Variants in GNS observed in about 807,000 individuals in gnomAD.
The protein encoded by GNS is N-acetylglucosamine-6-sulfatase.
A neutral mutation model predicts 69.7 loss-of-function variants in GNS; 40 were observed. The observed-to-expected ratio is 0.57, with a 90% CI of 0.45 to 0.75. The LOEUF is 0.75. GNS is among the 30% of genes least tolerant of loss of function. The pLI is 0.00. For synonymous variants in GNS, 243 were observed against 251.6 expected (o/e 0.97, Z 0.32); for missense variants, 565 against 685.5 (o/e 0.82, Z 1.96).
intron 1 of GNS, chr12:64,753,023 C>A: frequency 2.0e-6 from 1 of 501,672 alleles, no homozygotes; most frequent in Non-Finnish European, 3.6e-6. Flanking sequence ...CCTTATTAGT[C>A]ATCAGCGCCC....
rs116960968 is a variant in GNS, at chr12:64,734,570, C to T, written c.1098+2434G>A. 3.0e-3 allele frequency among the ~76,000 whole-genome samples: 459 copies of T among 152,288 alleles called. 1 individual carries two copies. The highest frequency in any genetic ancestry group is 5.1e-3 in the Non-Finnish European group (345 of 68,020). ...AAGCCAGGAGGTGACAGAGAAGGTCCGCTTAGGAAGTACAAGGAGTTCAGT... is the reference window on the plus strand; with the variant it reads ...AAGCCAGGAGGTGACAGAGAAGGTCTGCTTAGGAAGTACAAGGAGTTCAGT... On this transcript the variant is annotated intron_variant, in intron 9 of 13. Coordinates refer to ENST00000258145, the MANE Select transcript of GNS (RefSeq NM_002076.4).
chr12:64,720,718 AATT>A lies in GNS; in HGVS notation c.1420-539_1420-537del, dbSNP rs2136236873. ...ATATATTGGGGAAGGACACAATACTAATTATTATTTCTAAAATAAGACAGGTCT... is the reference window on the plus strand; with the variant it reads ...ATATATTGGGGAAGGACACAATACTAATTATTTCTAAAATAAGACAGGTCT... On this transcript the variant is annotated intron_variant, in intron 12 of 13. Transcript: ENST00000258145. Among the ~76,000 whole-genome samples, 2 of 152,364 alleles carry A rather than the reference AATT, an allele frequency of 1.3e-5. 1 individual carries two copies. Among genetic ancestry groups the A allele is most frequent in the South Asian group, 4.1e-4 (2 of 4,828 alleles).
At chr12:64,751,951 C>CAAA (rs570528616) in intron 2 of GNS, among the ~76,000 whole-genome samples, 4 of 64,760 alleles carry the variant, frequency 6.2e-5, no homozygotes, top group African/African-American at 6.3e-5. Context: ...TTGCGCCACT[C>CAAA]AAAAAAAAAA....
chr12:64,745,180 A>C (rs904166484), intron 4 of GNS, among the ~76,000 whole-genome samples: 4 of 151,012 alleles, frequency 2.6e-5, no homozygotes, highest in African/African-American at 9.7e-5. Flanking sequence ...CATCCCAGAA[A>C]GGAGTGACTC....
At chr12:64,758,999 G>T (rs1186506130) in intron 1 of GNS, 86 bp downstream of exon 1, 2 of 1,124,402 alleles carry the variant, frequency 1.8e-6, no homozygotes, top group Non-Finnish European at 2.6e-6. Context: ...GTTCGGGGAG[G>T]AGGGTGGTGG....
chr12:64,747,763 G>A lies in GNS; in HGVS notation c.408C>T (p.Leu136=). 1.2e-6 allele frequency: 2 copies of A among 1,612,560 alleles called. No homozygotes were observed. Among genetic ancestry groups the A allele is most frequent in the Non-Finnish European group, 1.7e-6 (2 of 1,178,614 alleles). Reference sequence around the variant, plus strand: ...AGGTCTGATAACCACACATTGATCTGAGAATTGCTGGGAAAGTATTTGGTT... The same window carrying A: ...AGGTCTGATAACCACACATTGATCTAAGAATTGCTGGGAAAGTATTTGGTT... ...IQEPNTFPAI[L]RSMCGYQTFF... Residue 136 remains leucine, a synonymous_variant, in exon 3 of 14, where the codon CTC becomes CTT. Transcript: ENST00000258145.
chr12:64,753,444 T>C (rs1870144323), intron 1 of GNS, among the ~76,000 whole-genome samples: 1 of 152,240 alleles, frequency 6.6e-6, no homozygotes, highest in African/African-American at 2.4e-5. Context: ...GACAAAAGTA[T>C]GAAGACAGTC....
chr12:64,754,370 G>A (rs1320684755), intron 1 of GNS, among the ~76,000 whole-genome samples: 1 of 152,182 alleles, frequency 6.6e-6, no homozygotes, highest in Non-Finnish European at 1.5e-5. Flanking sequence ...GGTAACTTCA[G>A]TACGGAGAGC....
intron 9 of GNS, among the ~76,000 whole-genome samples, chr12:64,735,572 A>G (rs1246125689): frequency 6.6e-6 from 1 of 152,226 alleles, no homozygotes; most frequent in African/African-American, 2.4e-5. Context: ...CTTAAAGAAA[A>G]AAAGGAACAG....
intron 6 of GNS, among the ~76,000 whole-genome samples, chr12:64,742,057 G>A (rs530708959): frequency 1.3e-5 from 2 of 152,108 alleles, no homozygotes; most frequent in Admixed American, 1.3e-4. Flanking sequence ...ATCTTGCACT[G>A]TTTCCCAGGC....
At position 64,747,599 on chromosome 12, in the gene GNS, AAAC is replaced by A; in HGVS notation, c.459+110_459+112del. ...CTTGTTTAATGGGCAGATTCACAGAAAACAACGTATACCAAGAAATCCTTTAAC... is the reference window on the plus strand; with the variant it reads ...CTTGTTTAATGGGCAGATTCACAGAAAACGTATACCAAGAAATCCTTTAAC... On this transcript the variant is annotated intron_variant, in intron 3 of 13. Transcript: ENST00000258145. 1.5e-5 allele frequency: 11 copies of A among 719,530 alleles called. No homozygotes were observed. The South Asian group carries it at 1.8e-4, about 12-fold the overall frequency. 44.6% of individuals were successfully genotyped at this position (719,530 alleles called of 1,614,324 possible). A position where few individuals can be genotyped will look rare whatever the true frequency, so the allele number is the denominator to read the frequency against.
intron 6 of GNS, 56 bp downstream of exon 6, chr12:64,743,085 T>C (rs1286600133): frequency 3.8e-6 from 5 of 1,315,076 alleles, no homozygotes; most frequent in Non-Finnish European, 5.5e-6. Context: ...CTGACAAGTA[T>C]ACCATATAGT....
At position 64,716,545 on chromosome 12, in the gene GNS, A is replaced by G. The variant is rs902547164; in HGVS notation, c.*196T>C. ...AAGAGACCAGAGACAGCCACTCCTG[A>G]CACATGGGCAGAGTTCACAGTTTAA... On this transcript the variant is annotated 3_prime_UTR_variant, in exon 14 of 14. Transcript: ENST00000258145. The G allele has an allele frequency of 3.1e-6, 2 of 637,394 alleles. No individual in the cohort carries two copies. The highest frequency in any genetic ancestry group is 3.6e-5 in the African/African-American group (2 of 55,576). The allele number at this position is 637,394 out of a possible 1,614,324, so 39.5% of individuals were successfully genotyped here. A position where few individuals can be genotyped will look rare whatever the true frequency, so the allele number is the denominator to read the frequency against.
rs138335335 is a variant in GNS at position 64,729,003 on chromosome 12, C to A, written c.1153G>T (p.Asp385Tyr). The A allele has an allele frequency of 6.2e-7, 1 of 1,604,770 alleles. No homozygotes were observed. The highest frequency in any genetic ancestry group is 8.5e-7 in the Non-Finnish European group (1 of 1,171,650). ...CCATCCATCTGTGTCTTATTTAGGT[C>A]GTAGCCAGCAATGTCCAAAATAGTA... ...GPTILDIAGY[D>Y]LNKTQMDGMS... The change falls in exon 10 of 14, where the codon GAC (aspartate) becomes TAC (tyrosine). Residue 385 changes from aspartate to tyrosine, a missense_variant. Asp to Tyr is a radical substitution (Grantham distance 160). This residue lies in a region of GNS where 384 missense variants were observed against 511.0 expected (regional missense o/e 0.75). Coordinates refer to ENST00000258145, the MANE Select transcript of GNS (RefSeq NM_002076.4).
At chr12:64,743,413 T>C in intron 5 of GNS, 105 bp from the exon 6 acceptor site, 1 of 791,046 alleles carries the variant, frequency 1.3e-6, no homozygotes, top group South Asian at 1.4e-5. Context: ...TACTAGCTTT[T>C]AAGCAATCTT....
chr12:64,732,547 G>A (rs1869436410), intron 9 of GNS, among the ~76,000 whole-genome samples: 1 of 150,076 alleles, frequency 6.7e-6, no homozygotes, highest in South Asian at 2.1e-4. Context: ...TGCAAGCTCC[G>A]CCTCCTGGGT....
At position 64,752,955 on chromosome 12, in the gene GNS, G is replaced by T; in HGVS notation, c.193-198C>A. The T allele has an allele frequency of 8.5e-6, 5 of 591,680 alleles. No homozygotes were observed. In the East Asian group the frequency reaches 1.4e-4, roughly 17 times the overall value. 36.7% of individuals were successfully genotyped at this position (591,680 alleles called of 1,614,324 possible). A position where few individuals can be genotyped will look rare whatever the true frequency, so the allele number is the denominator to read the frequency against. On this transcript the variant is annotated intron_variant, in intron 1 of 13. Coordinates refer to ENST00000258145, the MANE Select transcript of GNS (RefSeq NM_002076.4). Reference sequence around the variant, plus strand: ...AGCTCCATCCTGTATAAAAGTGCAGGAAGTCAAAATGCTTGCAGGAAGGGA... The same window carrying T: ...AGCTCCATCCTGTATAAAAGTGCAGTAAGTCAAAATGCTTGCAGGAAGGGA...
chr12:64,752,579 G>T, intron 2 of GNS, 119 bp downstream of exon 2: 2 of 679,034 alleles, frequency 2.9e-6, no homozygotes, highest in Non-Finnish European at 5.4e-6. Flanking sequence ...CCTTCCTTCA[G>T]ATCAGGCATT....
chr12:64,747,976 C>A, intron 2 of GNS, 58 bp from the exon 3 acceptor site: 1 of 919,092 alleles, frequency 1.1e-6, no homozygotes, highest in South Asian at 1.3e-5. Context: ...GACTTCTCAT[C>A]ATTGTTAAAG....
Sources: gnomAD v4.1 joint callset for allele counts (sites outside exome capture counted in the v4.1 genomes callset) on GRCh38, gnomAD v4.1.1 for gene constraint, gnomAD v4.1.1 regional missense constraint, MANE v1.5 for transcripts, NCBI Gene and HGNC (gene_info 2026-07-23, HGNC 2026-07-21) for gene names.